The following IFT52 variants were observed in gnomAD, a reference collection of about 807,000 sequenced individuals.
The protein encoded by IFT52 is intraflagellar transport protein 52 homolog.
A neutral mutation model predicts 54.4 loss-of-function variants in IFT52; 44 were observed. The ratio of observed to expected loss-of-function variants is 0.81; its 90% CI spans 0.63 to 1.04. The LOEUF (loss-of-function observed/expected upper bound fraction) is 1.04, where lower values mean the gene tolerates loss of function less well. Ranked by LOEUF, IFT52 falls within the 50% of genes least tolerant of loss-of-function variation. IFT52 has a pLI of 0.00. For synonymous variants in IFT52, 181 were observed against 185.3 expected, an observed-to-expected ratio of 0.98 and a Z score of 0.19; for missense variants, 452 against 523.6, an observed-to-expected ratio of 0.86 and a Z score of 1.33.
intron 8 of IFT52, 145 bp from the exon 9 acceptor site, chr20:43,620,712 C>G (rs1984230175): frequency 1.6e-6 from 1 of 606,086 alleles, no homozygotes; most frequent in South Asian, 2.4e-5. Flanking sequence ...ATGATTGCAT[C>G]AAGACAAGGC....
At chr20:43,606,849 T>C (rs985214125) in intron 6 of IFT52, among the ~76,000 whole-genome samples, 17 of 152,294 alleles carry the variant, frequency 1.1e-4, no homozygotes, top group African/African-American at 4.1e-4. Context: ...CCGCCCTTAA[T>C]CCATTTAACC....
chr20:43,641,706 G>A (rs1483206205), intron 12 of IFT52, among the ~76,000 whole-genome samples: 1 of 151,854 alleles, frequency 6.6e-6, no homozygotes, highest in East Asian at 1.9e-4. Context: ...ATGCTGGCCA[G>A]GCTGGTCTCG....
chr20:43,618,571 T>G (rs1600485688), intron 7 of IFT52, among the ~76,000 whole-genome samples: 1 of 152,224 alleles, frequency 6.6e-6, no homozygotes, highest in East Asian at 1.9e-4. Flanking sequence ...AACCTCCGCC[T>G]CCTAAGTTCA....
chr20:43,606,196 G>A (rs1982863879), intron 6 of IFT52, among the ~76,000 whole-genome samples: 1 of 151,566 alleles, frequency 6.6e-6, no homozygotes, highest in African/African-American at 2.4e-5. Context: ...ACTCTAGCCT[G>A]GGGGACAGAT....
chr20:43,592,891 C>T (rs1405961739), intron 1 of IFT52, among the ~76,000 whole-genome samples: 1 of 152,130 alleles, frequency 6.6e-6, no homozygotes, highest in Non-Finnish European at 1.5e-5. Flanking sequence ...AGGAGGATCA[C>T]TTGAGGTCAG....
chr20:43,594,341 C>A (rs939558708), intron 1 of IFT52, among the ~76,000 whole-genome samples: 1 of 152,010 alleles, frequency 6.6e-6, no homozygotes, highest in Non-Finnish European at 1.5e-5. Context: ...GAAGACTATA[C>A]CCTGCGCTTA....
chr20:43,631,518 G>T lies in IFT52; in HGVS notation c.924-4408G>T, dbSNP rs577501240. 8.5e-5 allele frequency among the ~76,000 whole-genome samples: 13 copies of T among 152,182 alleles called. No individual in the cohort carries two copies. In the South Asian group the frequency reaches 2.7e-3, roughly 32 times the overall value. ...TTGGTTTTCTAGCTTAACTTTGAAG[G>T]GCTACAAATATATGTACAATTTAAA... On this transcript the variant is annotated intron_variant, in intron 10 of 13. Coordinates refer to ENST00000373030, the MANE Select transcript of IFT52 (RefSeq NM_016004.5).
In IFT52 at chr20:43,634,229, AAG is replaced by A. The variant is rs774826718; in HGVS notation, c.924-1695_924-1694del. Among the ~76,000 whole-genome samples the A allele has an allele frequency of 9.5e-3, 1,449 of 151,878 alleles. 14 individuals are homozygous for A. The highest frequency in any genetic ancestry group is 0.013 in the Non-Finnish European group (873 of 67,968). The stretch of plus-strand genomic sequence containing the variant: ...GTGCATAAATGAAAAAAAAAAATAG[AAG>A]AAGAAGAAAAAAGATAAAGCACATA... On this transcript the variant is annotated intron_variant, in intron 10 of 13. Coordinates refer to ENST00000373030, the MANE Select transcript of IFT52 (RefSeq NM_016004.5).
chr20:43,596,468 T>C lies in IFT52; in HGVS notation c.153T>C (p.Asn51=). The C allele has an allele frequency of 6.2e-7, 1 of 1,606,372 alleles. No individual in the cohort carries two copies. Among genetic ancestry groups the C allele is most frequent in the Non-Finnish European group, 8.5e-7 (1 of 1,175,168 alleles). The change falls in exon 3 of 14, where the codon AAT becomes AAC. Residue 51 remains asparagine, a synonymous_variant. Transcript: ENST00000373030. ...LKDEITSEKL[N]GVKLWITAGP... ...ATGAAATCACATCTGAGAAGTTAAA[T>C]GGAGTGAAACTGTGGATTACAGCTG...
chr20:43,605,733 G>GT (rs1261105595), intron 6 of IFT52, among the ~76,000 whole-genome samples: 2 of 152,106 alleles, frequency 1.3e-5, no homozygotes, highest in African/African-American at 4.8e-5. Context: ...ACCACCTAAT[G>GT]TTTGTCAAGC....
At chr20:43,599,115 G>T (rs938608785) in intron 3 of IFT52, among the ~76,000 whole-genome samples, 2 of 152,194 alleles carry the variant, frequency 1.3e-5, no homozygotes, top group African/African-American at 4.8e-5. Flanking sequence ...GAATGTGGAG[G>T]TAACCAGCAA....
At chr20:43,591,217 C>A (rs555650063) in intron 1 of IFT52, among the ~76,000 whole-genome samples, 163 bp downstream of exon 1, 2 of 152,192 alleles carry the variant, frequency 1.3e-5, no homozygotes, top group African/African-American at 2.4e-5. Flanking sequence ...GGGTTCCTGG[C>A]GCCCCGGCTG....
chr20:43,627,776 C>A (rs927135791), intron 10 of IFT52, among the ~76,000 whole-genome samples: 3 of 152,012 alleles, frequency 2.0e-5, no homozygotes, highest in Admixed American at 2.0e-4. Flanking sequence ...CACTCTTGCC[C>A]AGGCTGGTCT....
intron 6 of IFT52, among the ~76,000 whole-genome samples, chr20:43,610,749 GA>G (rs60672285): frequency 0.013 from 1,783 of 138,680 alleles, 26 homozygotes; most frequent in African/African-American, 0.034. Flanking sequence ...AAAAAAAAAA[GA>G]AAAAAAAAAA....
At chr20:43,610,681 G>C (rs1983369625) in intron 6 of IFT52, among the ~76,000 whole-genome samples, 1 of 151,596 alleles carries the variant, frequency 6.6e-6, no homozygotes, top group African/African-American at 2.4e-5. Flanking sequence ...GGAGCTTGCA[G>C]TGAGCCGAGA....
rs537041189 is a variant in IFT52, at chr20:43,632,354, G to A, written c.924-3572G>A. Among the ~76,000 whole-genome samples the A allele has an allele frequency of 2.4e-3, 363 of 151,434 alleles. 1 individual carries two copies. Among genetic ancestry groups the A allele is most frequent in the Non-Finnish European group, 4.1e-3 (281 of 67,882 alleles). Reference sequence around the variant, plus strand: ...CGGTTCACTGCAACCTCCGCCTCCCGGGTTCAAGCAATTCTCCTGCCTCAT... The same window carrying A: ...CGGTTCACTGCAACCTCCGCCTCCCAGGTTCAAGCAATTCTCCTGCCTCAT... On this transcript the variant is annotated intron_variant, in intron 10 of 13. Coordinates refer to ENST00000373030, the MANE Select transcript of IFT52 (RefSeq NM_016004.5).
intron 9 of IFT52, among the ~76,000 whole-genome samples, chr20:43,622,374 G>A (rs1434155597): frequency 3.3e-5 from 5 of 151,986 alleles, no homozygotes; most frequent in African/African-American, 7.2e-5. Context: ...CGAGGCGGGC[G>A]GATCACGAGG....
intron 13 of IFT52, 90 bp from the exon 14 acceptor site, chr20:43,646,846 C>T (rs2145687320): frequency 9.4e-7 from 1 of 1,067,980 alleles, no homozygotes; most frequent in East Asian, 2.4e-5. Flanking sequence ...AATAAAGATT[C>T]AGAATCTCTA....
At chr20:43,617,625 A>G (rs772736526) in intron 7 of IFT52, among the ~76,000 whole-genome samples, 23 of 152,064 alleles carry the variant, frequency 1.5e-4, no homozygotes, top group Non-Finnish European at 3.1e-4. Context: ...TGTATTTTTA[A>G]TAGAGACGGA....
Sources: allele counts gnomAD v4.1 joint callset (sites outside exome capture counted in the v4.1 genomes callset), GRCh38; gene constraint gnomAD v4.1.1; transcripts MANE v1.5; gene names NCBI Gene and HGNC (gene_info 2026-07-23, HGNC 2026-07-21).